Variants in RBFOX1 observed in about 807,000 individuals in gnomAD.
RBFOX1 encodes the protein RNA binding protein fox-1 homolog 1.
In RBFOX1, 8 loss-of-function variants were observed where a neutral mutation model predicts 57.7. That is an observed-to-expected ratio of 0.14 (90% CI 0.08 to 0.25). RBFOX1 has a LOEUF of 0.25. RBFOX1 is among the 10% of genes least tolerant of loss of function. The pLI is 1.00. For synonymous variants in RBFOX1, 326 were observed against 222.4 expected, an observed-to-expected ratio of 1.47 and a Z score of -4.15; for missense variants, 611 against 548.5, an observed-to-expected ratio of 1.11 and a Z score of -1.14.
chr16:6,963,853 C>T (rs1338798522), intron 3 of RBFOX1, among the ~76,000 whole-genome samples: 2 of 151,668 alleles, frequency 1.3e-5, no homozygotes, highest in Non-Finnish European at 2.9e-5. Flanking sequence ...CGCACACCAC[C>T]ACGCCTGGCT....
At chr16:6,817,912 A>G (rs1053039046) in intron 3 of RBFOX1, among the ~76,000 whole-genome samples, 3 of 152,108 alleles carry the variant, frequency 2.0e-5, no homozygotes, top group East Asian at 3.9e-4. Flanking sequence ...TTCCTGGGCC[A>G]TTGCCCAAAA....
At chr16:6,070,864 T>G (rs1294215285) in intron 1 of RBFOX1, among the ~76,000 whole-genome samples, 1 of 151,256 alleles carries the variant, frequency 6.6e-6, no homozygotes, top group African/African-American at 2.4e-5. Flanking sequence ...CAAAGAATCA[T>G]TTGACAGTAG....
intron 2 of RBFOX1, among the ~76,000 whole-genome samples, chr16:6,331,451 G>A (rs1021260933): frequency 6.6e-6 from 1 of 151,864 alleles, no homozygotes; most frequent in African/African-American, 2.4e-5. Flanking sequence ...AAAAGTCTGG[G>A]AGGGAAGGAT....
intron 1 of RBFOX1, among the ~76,000 whole-genome samples, chr16:6,266,242 A>G (rs1481719969): frequency 1.3e-5 from 2 of 152,210 alleles, no homozygotes; most frequent in African/African-American, 4.8e-5. Context: ...AAGACAGCCA[A>G]CACATAGCCT....
chr16:7,195,404 G>T (rs181143075), intron 4 of RBFOX1, among the ~76,000 whole-genome samples: 2 of 152,318 alleles, frequency 1.3e-5, no homozygotes, highest in Admixed American at 1.3e-4. Flanking sequence ...GACATATTGA[G>T]AGGAGGTGAT....
At chr16:6,217,640 C>G (rs1323120373) in intron 1 of RBFOX1, among the ~76,000 whole-genome samples, 1 of 152,202 alleles carries the variant, frequency 6.6e-6, no homozygotes, top group Non-Finnish European at 1.5e-5. Flanking sequence ...GCTGAGTAAC[C>G]TGCTTGTCTC....
chr16:7,154,838 T>C (rs1181148979), intron 4 of RBFOX1, among the ~76,000 whole-genome samples: 2 of 152,102 alleles, frequency 1.3e-5, no homozygotes, highest in Admixed American at 1.3e-4. Flanking sequence ...TCAACAACTG[T>C]ATGAAGTTTG....
chr16:6,818,613 A>G (rs2090634989), intron 3 of RBFOX1, among the ~76,000 whole-genome samples: 1 of 152,178 alleles, frequency 6.6e-6, no homozygotes, highest in African/African-American at 2.4e-5. Flanking sequence ...TAGGGCATGT[A>G]TCACTCAGCA....
At chr16:6,770,025 A>T (rs1346262864) in intron 3 of RBFOX1, among the ~76,000 whole-genome samples, 1 of 152,234 alleles carries the variant, frequency 6.6e-6, no homozygotes, top group South Asian at 2.1e-4. Context: ...TATTCTCAGG[A>T]TGGTTGACAG....
At chr16:7,331,031 A>C (rs953641173) in intron 4 of RBFOX1, among the ~76,000 whole-genome samples, 17 of 152,220 alleles carry the variant, frequency 1.1e-4, no homozygotes, top group African/African-American at 4.1e-4. Context: ...GGCCACTTTG[A>C]TGCATGAGAA....
At chr16:7,385,535 G>C (rs1350529869) in intron 4 of RBFOX1, among the ~76,000 whole-genome samples, 1 of 152,142 alleles carries the variant, frequency 6.6e-6, no homozygotes. Flanking sequence ...GAGCAGGAGT[G>C]AGCTTGCAGA....
At chr16:6,332,434 A>C (rs1284246018) in intron 2 of RBFOX1, among the ~76,000 whole-genome samples, 1 of 152,246 alleles carries the variant, frequency 6.6e-6, no homozygotes, top group Non-Finnish European at 1.5e-5. Context: ...GAAAGGTTGG[A>C]TAGCAATTGT....
chr16:5,474,402 C>T (rs985215653), intron 2 of RBFOX1, among the ~76,000 whole-genome samples: 1 of 152,130 alleles, frequency 6.6e-6, no homozygotes, highest in Admixed American at 6.5e-5. Flanking sequence ...TCCTGTGATC[C>T]CAGCACTTTG....
chr16:5,248,665 G>C (rs373448094), intron 1 of RBFOX1, among the ~76,000 whole-genome samples: 1 of 152,212 alleles, frequency 6.6e-6, no homozygotes, highest in East Asian at 1.9e-4. Flanking sequence ...AGGAAAAGCT[G>C]TTCGGGGGAG....
At chr16:6,878,716 G>C (rs1293980033) in intron 3 of RBFOX1, among the ~76,000 whole-genome samples, 1 of 152,076 alleles carries the variant, frequency 6.6e-6, no homozygotes, top group Non-Finnish European at 1.5e-5. Context: ...ATTCAGCAAG[G>C]GCAAGAAATG....
chr16:7,214,813 C>T (rs1229119965), intron 4 of RBFOX1, among the ~76,000 whole-genome samples: 1 of 152,170 alleles, frequency 6.6e-6, no homozygotes, highest in Admixed American at 6.5e-5. Context: ...ATGTTCCTCA[C>T]ATTTAATGTC....
intron 1 of RBFOX1, among the ~76,000 whole-genome samples, chr16:6,315,037 A>G (rs2080898228): frequency 6.6e-6 from 1 of 152,226 alleles, no homozygotes; most frequent in Non-Finnish European, 1.5e-5. Flanking sequence ...AGTTCCTGAC[A>G]TTTAGAAGGC....
At chr16:7,076,953 T>G (rs2153789537) in intron 4 of RBFOX1, among the ~76,000 whole-genome samples, 1 of 152,326 alleles carries the variant, frequency 6.6e-6, no homozygotes, top group African/African-American at 2.4e-5. Flanking sequence ...ATTGCATTTC[T>G]GAAACAGCTT....
intron 1 of RBFOX1, among the ~76,000 whole-genome samples, chr16:6,193,391 AC>A (rs111857216): frequency 0.11 from 1,678 of 15,174 alleles, 42 homozygotes; most frequent in African/African-American, 0.14. Flanking sequence ...ATATATATAT[AC>A]TATATATATA....
Sources: gnomAD v4.1 joint callset for allele counts (sites outside exome capture counted in the v4.1 genomes callset) on GRCh38, gnomAD v4.1.1 for gene constraint, MANE v1.5 for transcripts, NCBI Gene and HGNC (gene_info 2026-07-23, HGNC 2026-07-21) for gene names.